Variants in COL5A2 observed in about 807,000 individuals in gnomAD.
COL5A2 encodes collagen type V alpha 2 chain, also known as collagen alpha-2(V) chain.
Under a neutral mutation model 208.2 loss-of-function variants are expected in COL5A2, and 23 were observed. The observed-to-expected ratio is 0.11, with a 90% CI of 0.08 to 0.16. The LOEUF is 0.16. Among genes scored for constraint, COL5A2 ranks in the 10% least tolerant of loss-of-function variants. The pLI, the probability that COL5A2 is intolerant of heterozygous loss-of-function variation, is 1.00. For synonymous variants in COL5A2, 625 were observed against 628.5 expected, an observed-to-expected ratio of 0.99 and a Z score of 0.08; for missense variants, 1,590 against 1,956.4, an observed-to-expected ratio of 0.81 and a Z score of 3.53.
chr2:189,402,139 C>T, the COL5A2 span, among the ~76,000 whole-genome samples: 1 of 152,078 alleles, frequency 6.6e-6, no homozygotes, highest in Non-Finnish European at 1.5e-5. Flanking sequence ...GAAATTTTTG[C>T]CCGTGTCTAT....
intron 5 of COL5A2, 101 bp from the exon 6 acceptor site, chr2:189,097,431 A>T (rs549120857): frequency 1.1e-5 from 13 of 1,196,962 alleles, no homozygotes; most frequent in African/African-American, 1.1e-4. Flanking sequence ...CAGAAATACC[A>T]CACTTAATTC....
At chr2:189,213,429 C>G (rs1445618842) in intron 1 of COL5A2, among the ~76,000 whole-genome samples, 1 of 152,148 alleles carries the variant, frequency 6.6e-6, no homozygotes, top group Non-Finnish European at 1.5e-5. Context: ...AAAACAGAGA[C>G]AGCCAGACAT....
chr2:189,191,162 ACAAACAAC>A (rs1559142096), intron 1 of COL5A2, among the ~76,000 whole-genome samples: 8 of 73,884 alleles, frequency 1.1e-4, no homozygotes, highest in East Asian at 3.7e-4. Flanking sequence ...CAAAAAACAA[ACAAACAAC>A]AAAAAACAAC....
At chr2:189,274,730 C>A in the COL5A2 span, among the ~76,000 whole-genome samples, 1 of 151,542 alleles carries the variant, frequency 6.6e-6, no homozygotes, top group African/African-American at 2.4e-5. Flanking sequence ...AGAGAATTAC[C>A]ATTTCATGCC....
At chr2:189,332,440 G>A in the COL5A2 span, among the ~76,000 whole-genome samples, 2 of 152,134 alleles carry the variant, frequency 1.3e-5, no homozygotes, top group Non-Finnish European at 2.9e-5. Context: ...ATACAGTTTG[G>A]CTGTGTCTCC....
chr2:189,255,177 T>A, the COL5A2 span, among the ~76,000 whole-genome samples: 1 of 152,172 alleles, frequency 6.6e-6, no homozygotes, highest in Non-Finnish European at 1.5e-5. Context: ...CAAACATAAG[T>A]TCCAAGTATA....
the COL5A2 span, among the ~76,000 whole-genome samples, chr2:189,395,898 C>CAAAAAAAAAAAAAAA: frequency 1.9e-5 from 1 of 53,210 alleles, no homozygotes; most frequent in African/African-American, 7.8e-5. Flanking sequence ...GGACACATCT[C>CAAAAAAAAAAAAAAA]AAAAAAAAAA....
chr2:189,433,315 A>C, the COL5A2 span, among the ~76,000 whole-genome samples: 1 of 152,232 alleles, frequency 6.6e-6, no homozygotes, highest in Non-Finnish European at 1.5e-5. Flanking sequence ...AGCAGAAGGC[A>C]AGAAATAACT....
chr2:189,181,773 TTTAG>T (rs554621521), upstream of COL5A2, among the ~76,000 whole-genome samples: 958 of 152,288 alleles, frequency 6.3e-3, 11 homozygotes, highest in African/African-American at 0.021. Context: ...AGATCAGTAG[TTTAG>T]TATCTGTTAT....
the COL5A2 span, among the ~76,000 whole-genome samples, chr2:189,427,800 C>T: frequency 6.6e-6 from 1 of 152,180 alleles, no homozygotes; most frequent in African/African-American, 2.4e-5. Context: ...TTGCACAGGC[C>T]TATAGACTCT....
At chr2:189,292,133 A>G in the COL5A2 span, among the ~76,000 whole-genome samples, 1 of 152,218 alleles carries the variant, frequency 6.6e-6, no homozygotes, top group African/African-American at 2.4e-5. Context: ...GATTCTTGGG[A>G]ACTGGGTAAA....
the COL5A2 span, among the ~76,000 whole-genome samples, chr2:189,299,990 G>A: frequency 2.0e-5 from 3 of 152,082 alleles, no homozygotes; most frequent in Non-Finnish European, 4.4e-5. Context: ...GCATATACTG[G>A]CGGCAGTTCT....
chr2:189,170,803 C>CTTGTTAAGTGTGATGCAAAATGTTA (rs1688559138), intron 1 of COL5A2, among the ~76,000 whole-genome samples: 2 of 151,490 alleles, frequency 1.3e-5, no homozygotes, highest in African/African-American at 4.8e-5. Context: ...TGTGATGCAA[C>CTTGTTAAGTGTGATGCAAAATGTTA]AGTCAATGGC....
At chr2:189,048,391 T>A in intron 44 of COL5A2, 129 bp from the exon 45 acceptor site, 1 of 775,408 alleles carries the variant, frequency 1.3e-6, no homozygotes, top group Non-Finnish European at 2.2e-6. Context: ...TTTATGCAAA[T>A]GTCAGCAGAA....
rs536791822 is a variant in COL5A2, at chr2:189,210,245, A to G, written c.-42+14903T>C. 9.9e-5 allele frequency among the ~76,000 whole-genome samples: 15 copies of G among 152,282 alleles called. No homozygotes were observed. In the East Asian group the frequency reaches 2.9e-3, roughly 29 times the overall value. ...AAAAGAAGAGGAAAAAAGGAAATAAAGAGAGTTTAAAATGAAATGCTTTAG... is the reference window on the plus strand; with the variant it reads ...AAAAGAAGAGGAAAAAAGGAAATAAGGAGAGTTTAAAATGAAATGCTTTAG... On this transcript the variant is annotated intron_variant, in intron 1 of 10. Coordinates refer to the COL5A2 transcript ENST00000649966.
At chr2:189,071,034 A>C (rs1257168931) in intron 18 of COL5A2, among the ~76,000 whole-genome samples, 1 of 152,226 alleles carries the variant, frequency 6.6e-6, no homozygotes, top group African/African-American at 2.4e-5. Context: ...CTGAAATGTC[A>C]GCTACAGACA....
the COL5A2 span, among the ~76,000 whole-genome samples, chr2:189,398,230 G>A: frequency 6.6e-6 from 1 of 152,078 alleles, no homozygotes; most frequent in South Asian, 2.1e-4. Flanking sequence ...TATGGAAAAT[G>A]TTTTATATAA....
chr2:189,185,897 G>A (rs117119525), intron 1 of COL5A2, among the ~76,000 whole-genome samples: 1 of 152,162 alleles, frequency 6.6e-6, no homozygotes, highest in Non-Finnish European at 1.5e-5. Flanking sequence ...GAAAATGATT[G>A]TCCTAGAGAA....
intron 1 of COL5A2, among the ~76,000 whole-genome samples, chr2:189,195,690 A>G (rs906422688): frequency 6.6e-6 from 1 of 152,156 alleles, no homozygotes; most frequent in Non-Finnish European, 1.5e-5. Context: ...TCTTCCACAA[A>G]CCTGACAAAA....
Sources: allele counts gnomAD v4.1 joint callset (sites outside exome capture counted in the v4.1 genomes callset), GRCh38; gene constraint gnomAD v4.1.1; transcripts MANE v1.5; gene names NCBI Gene and HGNC (gene_info 2026-07-23, HGNC 2026-07-21).